Variants in PRKCB observed in about 807,000 individuals in gnomAD.
PRKCB encodes protein kinase C beta type.
Under a neutral mutation model 81.5 loss-of-function variants are expected in PRKCB, and 13 were observed. That is an observed-to-expected ratio of 0.16 (90% CI 0.10 to 0.25). PRKCB has a LOEUF of 0.25. PRKCB is among the 10% of genes least tolerant of loss of function. The probability of loss-of-function intolerance (pLI) is 1.00; values close to 1 mark genes in which losing one functional copy is unlikely to be tolerated. For missense variants in PRKCB, 509 were observed against 875.7 expected (o/e 0.58, Z 5.29); for synonymous variants, 335 against 321.4 (o/e 1.04, Z -0.45).
intron 3 of PRKCB, among the ~76,000 whole-genome samples, chr16:24,020,527 G>A (rs1965344076): frequency 6.6e-6 from 1 of 152,132 alleles, no homozygotes; most frequent in African/African-American, 2.4e-5. Context: ...AAATCAAGAG[G>A]TTTTATGTTC....
intron 5 of PRKCB, among the ~76,000 whole-genome samples, chr16:24,043,828 T>G (rs1965733293): frequency 6.6e-6 from 1 of 152,200 alleles, no homozygotes; most frequent in Non-Finnish European, 1.5e-5. Flanking sequence ...CTGTGACTTG[T>G]GACTGCCTTT....
intron 3 of PRKCB, among the ~76,000 whole-genome samples, chr16:24,012,121 G>T (rs8058691): frequency 6.6e-5 from 10 of 151,930 alleles, no homozygotes; most frequent in Non-Finnish European, 1.3e-4. Context: ...GGGGCATCTT[G>T]CTCTGTGTTC....
At chr16:24,021,337 TCCTTCCTTCCTTCCTTCCTCCTTC>T (rs1324239701) in intron 3 of PRKCB, among the ~76,000 whole-genome samples, 3 of 55,118 alleles carry the variant, frequency 5.4e-5, no homozygotes, top group African/African-American at 3.1e-4. Context: ...CTTCCTTCCT[TCCTTCCTTCCTTCCTTCCTCCTTC>T]CCTCCCTCCC....
intron 3 of PRKCB, among the ~76,000 whole-genome samples, chr16:23,991,475 A>G (rs1964884937): frequency 6.6e-6 from 1 of 152,228 alleles, no homozygotes; most frequent in African/African-American, 2.4e-5. Flanking sequence ...GTGTTCATGC[A>G]GACTGAAACT....
At chr16:24,092,102 T>A (rs927331732) in intron 5 of PRKCB, among the ~76,000 whole-genome samples, 3 of 152,232 alleles carry the variant, frequency 2.0e-5, no homozygotes, top group African/African-American at 7.2e-5. Context: ...ACAACCATCA[T>A]CTCTATCTAG....
At chr16:23,913,465 C>T (rs1013012648) in intron 2 of PRKCB, among the ~76,000 whole-genome samples, 1 of 152,128 alleles carries the variant, frequency 6.6e-6, no homozygotes, top group Non-Finnish European at 1.5e-5. Flanking sequence ...CAATGGTGCC[C>T]ACTATTGGGT....
chr16:24,185,854 G>A (rs965494109), intron 15 of PRKCB, among the ~76,000 whole-genome samples: 1 of 152,252 alleles, frequency 6.6e-6, no homozygotes, highest in Non-Finnish European at 1.5e-5. Context: ...AATGAATGAG[G>A]TAGAAAGCAC....
chr16:24,042,728 A>T (rs1054338693), intron 5 of PRKCB, among the ~76,000 whole-genome samples: 2 of 144,252 alleles, frequency 1.4e-5, no homozygotes, highest in African/African-American at 5.2e-5. Context: ...ATGTACATAC[A>T]ATGATACATA....
intron 10 of PRKCB, 199 bp from the exon 11 acceptor site, chr16:24,172,071 A>T: frequency 2.0e-6 from 1 of 502,946 alleles, no homozygotes; most frequent in Non-Finnish European, 3.6e-6. Context: ...GAAAAAAATT[A>T]TCTGTGTATC....
chr16:24,024,205 G>A (rs980938610), intron 3 of PRKCB, among the ~76,000 whole-genome samples: 10 of 152,176 alleles, frequency 6.6e-5, no homozygotes, highest in Non-Finnish European at 1.2e-4. Context: ...AGTGAAATAA[G>A]CCAGGCACAG....
At chr16:24,062,628 A>G (rs946910691) in intron 5 of PRKCB, among the ~76,000 whole-genome samples, 5 of 152,170 alleles carry the variant, frequency 3.3e-5, no homozygotes, top group African/African-American at 1.2e-4. Flanking sequence ...GTCACGCAGC[A>G]AGCCCAGAAC....
chr16:24,047,777 T>C (rs1965786676), intron 5 of PRKCB, among the ~76,000 whole-genome samples: 1 of 152,212 alleles, frequency 6.6e-6, no homozygotes, highest in South Asian at 2.1e-4. Flanking sequence ...TTTCAGTGGC[T>C]TTAGGGCACA....
chr16:23,928,152 T>A (rs180725477), intron 2 of PRKCB, among the ~76,000 whole-genome samples: 94 of 152,122 alleles, frequency 6.2e-4, no homozygotes, highest in African/African-American at 2.2e-3. Context: ...TGAGATGGTG[T>A]TTCACTCTTG....
chr16:23,989,229 G>A (rs1248970098), intron 3 of PRKCB, among the ~76,000 whole-genome samples: 1 of 152,192 alleles, frequency 6.6e-6, no homozygotes, highest in African/African-American at 2.4e-5. Context: ...CTCCCAAAGT[G>A]CTGGGATTAC....
At chr16:23,855,186 C>G (rs958990797) in intron 2 of PRKCB, among the ~76,000 whole-genome samples, 11 of 151,808 alleles carry the variant, frequency 7.2e-5, no homozygotes, top group Admixed American at 6.6e-4. Flanking sequence ...GAGAGAGAGG[C>G]GTGTGAGTGA....
intron 2 of PRKCB, among the ~76,000 whole-genome samples, chr16:23,877,672 TCTCA>T (rs1963037777): frequency 6.6e-6 from 1 of 152,196 alleles, no homozygotes; most frequent in Non-Finnish European, 1.5e-5. Flanking sequence ...GTCCCCATGT[TCTCA>T]CTGATTTCAT....
At chr16:23,927,886 T>A (rs1458980661) in intron 2 of PRKCB, among the ~76,000 whole-genome samples, 1 of 151,922 alleles carries the variant, frequency 6.6e-6, no homozygotes, top group Non-Finnish European at 1.5e-5. Context: ...CACAGACCAG[T>A]TGGCGTGTGG....
At chr16:23,840,449 T>C (rs1962244995) in intron 2 of PRKCB, among the ~76,000 whole-genome samples, 1 of 152,140 alleles carries the variant, frequency 6.6e-6, no homozygotes, top group African/African-American at 2.4e-5. Context: ...GAAGGGCATA[T>C]AGCACATGCT....
chr16:23,864,705 G>A (rs933997364), intron 2 of PRKCB, among the ~76,000 whole-genome samples: 7 of 151,994 alleles, frequency 4.6e-5, no homozygotes, highest in Non-Finnish European at 8.8e-5. Flanking sequence ...TGCTTCTCAC[G>A]ACCAGGGCCT....
Sources: allele counts gnomAD v4.1 joint callset (sites outside exome capture counted in the v4.1 genomes callset), GRCh38; gene constraint gnomAD v4.1.1; transcripts MANE v1.5; gene names NCBI Gene and HGNC (gene_info 2026-07-23, HGNC 2026-07-21).